The following HACE1 variants were observed in gnomAD, a reference collection of about 807,000 sequenced individuals.
HACE1 encodes E3 ubiquitin-protein ligase HACE1.
Under a neutral mutation model 118.4 loss-of-function variants are expected in HACE1, and 73 were observed. The ratio of observed to expected loss-of-function variants is 0.62; its 90% CI spans 0.51 to 0.75. HACE1 has a LOEUF of 0.75. Ranked by LOEUF, HACE1 falls within the 30% of genes least tolerant of loss-of-function variation. The pLI is 0.00. For missense variants in HACE1, 749 were observed against 1,102.2 expected (o/e 0.68, Z 4.54); for synonymous variants, 368 against 374.8 (o/e 0.98, Z 0.21).
At chr6:104,828,539 T>A (rs1362847007) in intron 6 of HACE1, among the ~76,000 whole-genome samples, 2 of 152,002 alleles carry the variant, frequency 1.3e-5, no homozygotes, top group African/African-American at 4.8e-5. Context: ...AGAAAAGTTA[T>A]ATAAAAATAA....
rs147992090 is a variant in HACE1, at chr6:104,813,060, A to G, written c.535-1667T>C. 5.4e-4 allele frequency among the ~76,000 whole-genome samples: 60 copies of G among 110,750 alleles called. 15 individuals carry two copies. The East Asian group carries it at 0.015, about 28-fold the overall frequency. The allele number at this position is 110,750 out of a possible 152,430, so 72.7% of individuals were successfully genotyped here. On this transcript the variant is annotated intron_variant, in intron 6 of 23. Coordinates refer to ENST00000262903, the MANE Select transcript of HACE1 (RefSeq NM_020771.4). Reference sequence around the variant, plus strand: ...AATTAAGTGAAAACCTCCAGCCTCCATGTTCCAACTAGGCTCCCAGAAATC... The same window carrying G: ...AATTAAGTGAAAACCTCCAGCCTCCGTGTTCCAACTAGGCTCCCAGAAATC...
chr6:104,806,932 T>C (rs1253264593), intron 7 of HACE1, among the ~76,000 whole-genome samples: 1 of 152,072 alleles, frequency 6.6e-6, no homozygotes, highest in Non-Finnish European at 1.5e-5. Context: ...ACAGTTGTAA[T>C]ATTATTGGGA....
chr6:104,753,928 T>C (rs1310118889), intron 19 of HACE1, among the ~76,000 whole-genome samples: 1 of 152,098 alleles, frequency 6.6e-6, no homozygotes, highest in African/African-American at 2.4e-5. Context: ...ACAGAAATAG[T>C]CTTCAGAAGG....
At chr6:104,746,629 G>A (rs1028598842) in intron 20 of HACE1, among the ~76,000 whole-genome samples, 4 of 152,192 alleles carry the variant, frequency 2.6e-5, no homozygotes, top group Non-Finnish European at 5.9e-5. Context: ...TGTCTCTTCA[G>A]TCCTAGGGAT....
chr6:104,852,208 T>TGTGC, intron 2 of HACE1, 109 bp downstream of exon 2: 1 of 683,028 alleles, frequency 1.5e-6, no homozygotes, highest in East Asian at 2.7e-5. Flanking sequence ...TCTGTGTGTG[T>TGTGC]GTGTGTGTGT....
chr6:104,859,892 C>T lies in HACE1; in HGVS notation c.-250G>A, dbSNP rs545633272. ...GCCTTTCCTGCAGCCCCCGCCGCCG[C>T]GTCCCTCCCGGGCTCGCGTGGCCTT... On this transcript the variant is annotated 5_prime_UTR_variant, in exon 1 of 24. Transcript: ENST00000262903. The T allele has an allele frequency of 3.1e-4, 147 of 472,876 alleles. 1 individual carries two copies. The highest frequency in any genetic ancestry group is 2.9e-3 in the South Asian group (107 of 36,700). The allele number at this position is 472,876 out of a possible 1,614,324, so 29.3% of individuals were successfully genotyped here.
At position 104,759,634 on chromosome 6, in the gene HACE1, A is replaced by G. The variant is rs919695670; in HGVS notation, c.2212-9162T>C. On this transcript the variant is annotated intron_variant, in intron 19 of 23. Transcript: ENST00000262903. Reference sequence around the variant, plus strand: ...AATCAACACCCTAACATCACAATTGAAAGAACTAGAGAAGCAAGAGCAAAC... The same window carrying G: ...AATCAACACCCTAACATCACAATTGGAAGAACTAGAGAAGCAAGAGCAAAC... 4.1e-4 allele frequency among the ~76,000 whole-genome samples: 63 copies of G among 152,318 alleles called. 1 individual carries two copies. The highest frequency in any genetic ancestry group is 8.2e-4 in the Non-Finnish European group (56 of 68,028).
intron 7 of HACE1, among the ~76,000 whole-genome samples, chr6:104,799,167 G>A (rs533810531): frequency 1.2e-4 from 19 of 152,144 alleles, no homozygotes; most frequent in Non-Finnish European, 2.2e-4. Context: ...CTGACTTAAC[G>A]GTGACACTGT....
intron 19 of HACE1, among the ~76,000 whole-genome samples, chr6:104,761,885 A>T (rs1010583725): frequency 1.3e-5 from 2 of 152,216 alleles, no homozygotes; most frequent in African/African-American, 4.8e-5. Context: ...AAAAATGGGC[A>T]AAGGATATGA....
chr6:104,816,983 A>G (rs996148791), intron 6 of HACE1, among the ~76,000 whole-genome samples: 4 of 152,016 alleles, frequency 2.6e-5, no homozygotes, highest in Admixed American at 6.6e-5. Flanking sequence ...GTTTTGGCCA[A>G]TTTCTCCCAC....
chr6:104,733,034 T>G (rs188408682), intron 22 of HACE1, among the ~76,000 whole-genome samples: 1 of 152,336 alleles, frequency 6.6e-6, no homozygotes, highest in Admixed American at 6.5e-5. Context: ...AAATTCAACA[T>G]TAGTTAATTT....
In HACE1 at chr6:104,859,804, TC is replaced by T; in HGVS notation, c.-163del. 1 of 624,072 alleles carries T rather than the reference TC, an allele frequency of 1.6e-6. No homozygotes were observed. Among genetic ancestry groups the T allele is most frequent in the East Asian group, 3.4e-5 (1 of 29,486 alleles). The allele number at this position is 624,072 out of a possible 1,614,324, so 38.7% of individuals were successfully genotyped here. ...GGGCTGCCTGGGGCCACGTCCTGCG[TC>T]CGGGGGCCGGGCTGCTGCCGGACCG... On this transcript the variant is annotated 5_prime_UTR_variant, in exon 1 of 24. Coordinates refer to ENST00000262903, the MANE Select transcript of HACE1 (RefSeq NM_020771.4).
At chr6:104,771,705 G>GAAAA (rs55710828) in intron 18 of HACE1, among the ~76,000 whole-genome samples, 1 of 86,250 alleles carries the variant, frequency 1.2e-5, no homozygotes. Flanking sequence ...CACAAAAATT[G>GAAAA]AAAAAAAAAA....
intron 19 of HACE1, among the ~76,000 whole-genome samples, chr6:104,757,124 T>A (rs1407246357): frequency 2.0e-5 from 3 of 152,132 alleles, no homozygotes; most frequent in Non-Finnish European, 4.4e-5. Context: ...AGATTCCACC[T>A]CTAGGGGCAG....
chr6:104,825,973 C>G (rs1302890308), intron 6 of HACE1, among the ~76,000 whole-genome samples: 4 of 152,280 alleles, frequency 2.6e-5, no homozygotes, highest in African/African-American at 9.6e-5. Flanking sequence ...CCAGGCCACA[C>G]AGCAGGAGGT....
intron 17 of HACE1, among the ~76,000 whole-genome samples, chr6:104,775,308 C>T (rs913722841): frequency 2.0e-5 from 3 of 151,914 alleles, no homozygotes; most frequent in Admixed American, 1.3e-4. Flanking sequence ...CCCTTGAGCC[C>T]GGGAGGTCAA....
chr6:104,809,877 A>G (rs1396545774), intron 7 of HACE1, among the ~76,000 whole-genome samples: 3 of 152,000 alleles, frequency 2.0e-5, no homozygotes, highest in Non-Finnish European at 4.4e-5. Flanking sequence ...ACAAAGAGAG[A>G]GAGAGAGAAA....
At chr6:104,770,085 C>G (rs1780451032) in intron 19 of HACE1, among the ~76,000 whole-genome samples, 2 of 152,200 alleles carry the variant, frequency 1.3e-5, no homozygotes, top group South Asian at 2.1e-4. Flanking sequence ...TTAAACATAA[C>G]CCTTTTTAAA....
intron 6 of HACE1, among the ~76,000 whole-genome samples, chr6:104,827,217 G>A (rs1773425102): frequency 6.6e-6 from 1 of 151,962 alleles, no homozygotes; most frequent in Non-Finnish European, 1.5e-5. Context: ...ACTGATCAAA[G>A]TAAAAAGGAA....
Sources: allele counts gnomAD v4.1 joint callset (sites outside exome capture counted in the v4.1 genomes callset), GRCh38; gene constraint gnomAD v4.1.1; transcripts MANE v1.5; gene names NCBI Gene and HGNC (gene_info 2026-07-23, HGNC 2026-07-21).